The following ULK4 variants were observed in gnomAD, a reference collection of about 807,000 sequenced individuals.
ULK4 encodes the protein inactive serine/threonine-protein kinase ULK4.
In ULK4, 133 loss-of-function variants were observed where a neutral mutation model predicts 160.6. The ratio of observed to expected loss-of-function variants is 0.83; its 90% CI spans 0.72 to 0.96. The LOEUF (loss-of-function observed/expected upper bound fraction) is 0.96. Ranked by LOEUF, ULK4 falls within the 40% of genes least tolerant of loss-of-function variation. The pLI, the probability that ULK4 is intolerant of heterozygous loss-of-function variation, is 0.00. For missense variants in ULK4, 1,580 were observed against 1,499.5 expected (o/e 1.05, Z -0.89); for synonymous variants, 534 against 539.8 (o/e 0.99, Z 0.15).
intron 16 of ULK4, among the ~76,000 whole-genome samples, chr3:41,885,502 A>G (rs1427195576): frequency 6.6e-6 from 1 of 152,126 alleles, no homozygotes; most frequent in Admixed American, 6.5e-5. Context: ...CAGTGACTCG[A>G]CACTGTACCT....
Position 41,304,273 on chromosome 3 carries a change from C to CAAA in ULK4, c.3679-54702_3679-54700dup, listed in dbSNP as rs368282598. On this transcript the variant is annotated intron_variant, in intron 35 of 36. Coordinates refer to ENST00000301831, the MANE Select transcript of ULK4 (RefSeq NM_017886.4). Reference sequence around the variant, plus strand: ...GGACAATAAGAGCAAAGCTCCCCCTCAAAAAAAAAAAAAAAAAGAGACAAC... The same window carrying CAAA: ...GGACAATAAGAGCAAAGCTCCCCCTCAAAAAAAAAAAAAAAAAAAAGAGACAAC... 5.6e-4 allele frequency among the ~76,000 whole-genome samples: 50 copies of CAAA among 89,720 alleles called. 1 individual carries two copies. Among genetic ancestry groups the CAAA allele is most frequent in the Admixed American group, 8.7e-4 (7 of 8,038 alleles). The allele number at this position is 89,720 out of a possible 152,430, so 58.9% of individuals were successfully genotyped here.
chr3:41,370,962 G>T (rs1479851515), intron 35 of ULK4, among the ~76,000 whole-genome samples: 2 of 152,150 alleles, frequency 1.3e-5, no homozygotes, highest in African/African-American at 2.4e-5. Flanking sequence ...GGTGGGGGGA[G>T]GGGCGTACAC....
chr3:41,259,710 T>G (rs763219215), intron 35 of ULK4, among the ~76,000 whole-genome samples: 1 of 152,202 alleles, frequency 6.6e-6, no homozygotes, highest in Admixed American at 6.5e-5. Context: ...TGTGGAGAGA[T>G]ATGTGGCTGT....
At chr3:41,308,804 A>G (rs563137110) in intron 35 of ULK4, among the ~76,000 whole-genome samples, 2 of 144,884 alleles carry the variant, frequency 1.4e-5, no homozygotes, top group East Asian at 4.0e-4. Context: ...CAAGCCATAC[A>G]TATATGAAAA....
intron 32 of ULK4, among the ~76,000 whole-genome samples, chr3:41,537,608 A>G (rs1326941934): frequency 3.9e-5 from 6 of 152,184 alleles, no homozygotes; most frequent in Non-Finnish European, 7.3e-5. Context: ...AGCCACAACC[A>G]TTGTCCAATA....
chr3:41,952,474 A>G (rs868356114), intron 2 of ULK4, among the ~76,000 whole-genome samples: 3 of 152,234 alleles, frequency 2.0e-5, no homozygotes, highest in Non-Finnish European at 4.4e-5. Flanking sequence ...GATGCTGCTC[A>G]GCATCACTAG....
At chr3:41,690,790 G>T (rs2036271790) in intron 27 of ULK4, among the ~76,000 whole-genome samples, 1 of 151,840 alleles carries the variant, frequency 6.6e-6, no homozygotes, top group Admixed American at 6.6e-5. Flanking sequence ...CCAGGTAACT[G>T]CTTTTCTGTC....
chr3:41,672,478 T>C (rs958286462), intron 29 of ULK4, among the ~76,000 whole-genome samples: 3 of 152,158 alleles, frequency 2.0e-5, no homozygotes, highest in African/African-American at 4.8e-5. Flanking sequence ...TTCTCTTATA[T>C]GTGGAAGCCA....
rs192422177 is a variant in ULK4 at position 41,768,330 on chromosome 3, T to C, written c.2194-13842A>G. Among the ~76,000 whole-genome samples, 580 of 152,306 alleles carry C rather than the reference T, an allele frequency of 3.8e-3. 3 individuals carry two copies. Among genetic ancestry groups the C allele is most frequent in the Middle Eastern group, 0.027 (8 of 294 alleles). On this transcript the variant is annotated intron_variant, in intron 21 of 36. Transcript: ENST00000301831. ...AGTAAATCATAATTGTAGTAAATAC[T>C]CCATCTATACAGTATCTGGACTAAC...
At chr3:41,902,419 A>T (rs1273560534) in intron 12 of ULK4, among the ~76,000 whole-genome samples, 1 of 152,036 alleles carries the variant, frequency 6.6e-6, no homozygotes, top group African/African-American at 2.4e-5. Context: ...CTCTACTAAA[A>T]ATACAAAAAT....
chr3:41,915,485 A>G (rs1408347627), intron 8 of ULK4: 1 of 153,982 alleles, frequency 6.5e-6, no homozygotes, highest in African/African-American at 2.4e-5. Context: ...GATTTCTAAC[A>G]TTGCCATCAC....
At chr3:41,463,821 A>G (rs540942523) in intron 32 of ULK4, among the ~76,000 whole-genome samples, 1 of 152,300 alleles carries the variant, frequency 6.6e-6, no homozygotes, top group South Asian at 2.1e-4. Context: ...AGTCTGTTAC[A>G]ATAAATACAT....
chr3:41,489,272 C>T (rs1478610112), intron 32 of ULK4, among the ~76,000 whole-genome samples: 1 of 152,182 alleles, frequency 6.6e-6, no homozygotes, highest in African/African-American at 2.4e-5. Context: ...ACAAACACTT[C>T]AGCATTAGAT....
At chr3:41,324,170 C>T (rs1299403465) in intron 35 of ULK4, among the ~76,000 whole-genome samples, 1 of 152,168 alleles carries the variant, frequency 6.6e-6, no homozygotes, top group Non-Finnish European at 1.5e-5. Flanking sequence ...TCTGGTGTGC[C>T]CAGCTTGTGC....
chr3:41,821,406 C>T (rs1419891217), intron 18 of ULK4, among the ~76,000 whole-genome samples: 1 of 152,130 alleles, frequency 6.6e-6, no homozygotes, highest in African/African-American at 2.4e-5. Context: ...TATGACGCTC[C>T]CACCACTTCA....
intron 32 of ULK4, among the ~76,000 whole-genome samples, chr3:41,516,737 C>CA (rs1161679896): frequency 6.6e-6 from 1 of 151,800 alleles, no homozygotes. Flanking sequence ...TAATGAGTAC[C>CA]AAAAAACAGA....
chr3:41,847,487 C>T (rs1029932633), intron 17 of ULK4, among the ~76,000 whole-genome samples: 4 of 152,194 alleles, frequency 2.6e-5, no homozygotes, highest in Non-Finnish European at 5.9e-5. Flanking sequence ...TAAAACCCTA[C>T]TTAACTACTC....
At chr3:41,434,300 A>C (rs1236773851) in intron 34 of ULK4, among the ~76,000 whole-genome samples, 2 of 152,230 alleles carry the variant, frequency 1.3e-5, no homozygotes, top group African/African-American at 4.8e-5. Context: ...TGGATAAGGA[A>C]TACTCAAAGT....
chr3:41,821,170 A>G (rs2041132937), intron 18 of ULK4, among the ~76,000 whole-genome samples: 1 of 152,150 alleles, frequency 6.6e-6, no homozygotes, highest in African/African-American at 2.4e-5. Flanking sequence ...CAGTCTCTTT[A>G]GTTGTCCCTT....
Sources: allele counts gnomAD v4.1 joint callset (sites outside exome capture counted in the v4.1 genomes callset), GRCh38; gene constraint gnomAD v4.1.1; transcripts MANE v1.5; gene names NCBI Gene and HGNC (gene_info 2026-07-23, HGNC 2026-07-21).